The following SPECC1 variants were observed in gnomAD, a reference collection of about 807,000 sequenced individuals.
The protein encoded by SPECC1 is sperm antigen with calponin homology and coiled-coil domains 1.
SPECC1 carries 62 observed loss-of-function variants against 104.1 expected under a neutral mutation model. The ratio of observed to expected loss-of-function variants is 0.60; its 90% CI spans 0.49 to 0.74. SPECC1 has a LOEUF of 0.74. SPECC1 is among the 30% of genes least tolerant of loss of function. The pLI, the probability that SPECC1 is intolerant of heterozygous loss-of-function variation, is 0.00. For missense variants in SPECC1, 1,306 were observed against 1,310.5 expected (o/e 1.00, Z 0.05); for synonymous variants, 513 against 501.6 (o/e 1.02, Z -0.30).
intron 3 of SPECC1, among the ~76,000 whole-genome samples, chr17:20,175,851 C>T (rs995636454): frequency 6.6e-6 from 1 of 152,190 alleles, no homozygotes; most frequent in Non-Finnish European, 1.5e-5. Context: ...TGCAGCATTC[C>T]TAGTCTGTGA....
chr17:20,272,655 A>G (rs184483696), intron 12 of SPECC1, among the ~76,000 whole-genome samples: 1 of 152,334 alleles, frequency 6.6e-6, no homozygotes, highest in African/African-American at 2.4e-5. Flanking sequence ...TGTGTCTGGC[A>G]TATTTCACTT....
At position 20,316,708 on chromosome 17, in the gene SPECC1, T is replaced by G. The variant is rs34120434; in HGVS notation, c.*2643T>G. 81,905 of 187,864 alleles carry G rather than the reference T, an allele frequency of 0.44. 18,985 individuals are homozygous for G. The highest frequency in any genetic ancestry group is 0.76 in the East Asian group (8,847 of 11,710). 11.6% of individuals were successfully genotyped at this position (187,864 alleles called of 1,614,324 possible). On this transcript the variant is annotated 3_prime_UTR_variant, in exon 15 of 15. Transcript: ENST00000395527. Reference sequence around the variant, plus strand: ...TTTTTTGTTGTTGTTTGTTTGTTTTTTTTTTTGAGACAGAGTCTTGCTCTG... The same window carrying G: ...TTTTTTGTTGTTGTTTGTTTGTTTTGTTTTTTGAGACAGAGTCTTGCTCTG...
intron 12 of SPECC1, among the ~76,000 whole-genome samples, chr17:20,288,034 AT>A (rs1309901700): frequency 6.6e-6 from 1 of 151,992 alleles, no homozygotes; most frequent in African/African-American, 2.4e-5. Context: ...CCACTTATAA[AT>A]GAGAACATAC....
intron 3 of SPECC1, among the ~76,000 whole-genome samples, chr17:20,164,153 G>T (rs1327632775): frequency 6.6e-6 from 1 of 151,048 alleles, no homozygotes; most frequent in Non-Finnish European, 1.5e-5. Context: ...ATAATATTGG[G>T]ATTTCTTCCC....
At chr17:20,100,134 T>TGTACC (rs2047873603) in intron 2 of SPECC1, among the ~76,000 whole-genome samples, 1 of 152,194 alleles carries the variant, frequency 6.6e-6, no homozygotes, top group African/African-American at 2.4e-5. Context: ...TTTCTGCACT[T>TGTACC]GGTACCATGC....
At chr17:20,129,321 G>C (rs1286297048) in intron 3 of SPECC1, among the ~76,000 whole-genome samples, 2 of 151,782 alleles carry the variant, frequency 1.3e-5, no homozygotes, top group Admixed American at 1.3e-4. Flanking sequence ...AGTAGCTGGG[G>C]ACTACAGGCG....
intron 1 of SPECC1, among the ~76,000 whole-genome samples, chr17:20,079,963 T>C (rs764146672): frequency 8.5e-5 from 13 of 152,184 alleles, no homozygotes; most frequent in Non-Finnish European, 5.9e-5. Flanking sequence ...CCTACCGCCA[T>C]GTCTTCATTC....
At chr17:20,284,903 A>G (rs1567606903) in intron 12 of SPECC1, among the ~76,000 whole-genome samples, 1 of 152,238 alleles carries the variant, frequency 6.6e-6, no homozygotes, top group African/African-American at 2.4e-5. Context: ...TTTCCCAAGA[A>G]GCTTTGCTTT....
chr17:20,108,025 C>T (rs2048317910), intron 2 of SPECC1, among the ~76,000 whole-genome samples: 1 of 152,038 alleles, frequency 6.6e-6, no homozygotes, highest in East Asian at 1.9e-4. Flanking sequence ...AGACTTCTAC[C>T]GTCATCCCTC....
intron 12 of SPECC1, among the ~76,000 whole-genome samples, chr17:20,293,733 C>T (rs2041248018): frequency 6.6e-6 from 1 of 152,242 alleles, no homozygotes; most frequent in African/African-American, 2.4e-5. Flanking sequence ...CTATGCCCCG[C>T]TTCTGCAATC....
intron 13 of SPECC1, among the ~76,000 whole-genome samples, chr17:20,298,189 TA>T (rs1336796463): frequency 2.6e-5 from 4 of 152,098 alleles, no homozygotes; most frequent in African/African-American, 7.2e-5. Context: ...CCATCTCTAC[TA>T]AAAATACAAA....
intron 1 of SPECC1, among the ~76,000 whole-genome samples, chr17:20,089,041 T>C (rs1258195063): frequency 1.3e-5 from 2 of 152,220 alleles, no homozygotes; most frequent in Non-Finnish European, 2.9e-5. Flanking sequence ...TGAGTTTGCC[T>C]TGTTTATAAA....
At chr17:20,134,505 G>C (rs558953993) in intron 3 of SPECC1, among the ~76,000 whole-genome samples, 1 of 152,182 alleles carries the variant, frequency 6.6e-6, no homozygotes, top group Admixed American at 6.5e-5. Context: ...TTTAAAAATG[G>C]TATATTATAA....
intron 12 of SPECC1, among the ~76,000 whole-genome samples, chr17:20,279,354 C>G (rs558962969): frequency 1.4e-3 from 185 of 130,174 alleles, no homozygotes; most frequent in Non-Finnish European, 2.3e-3. Flanking sequence ...TGGAGTTTCT[C>G]CCTTGTTGCC....
rs913624657 is a variant in SPECC1, at chr17:20,205,088, A to G, written c.1039A>G (p.Ser347Gly). The change falls in exon 4 of 15, where the codon AGT (serine) becomes GGT (glycine). Residue 347 changes from serine to glycine, a missense_variant. Physicochemically the swap from Ser to Gly is moderately conservative, Grantham distance 56. This residue lies in a region of SPECC1 where 1,177 missense variants were observed against 1,139.9 expected (regional missense o/e 1.03). Transcript: ENST00000395527. Reference protein sequence around the residue: ...ETPSRPLSSTSNPFKSSKCST... With the variant: ...ETPSRPLSSTGNPFKSSKCST... ...ACCCTCAAGGCCCCTGTCCTCCACC[A>G]GTAACCCCTTTAAGAGTTCAAAGTG... 6.2e-7 allele frequency: 1 copy of G among 1,614,212 alleles called. No homozygotes were observed. The highest frequency in any genetic ancestry group is 8.5e-7 in the Non-Finnish European group (1 of 1,180,038).
At chr17:20,030,555 A>G (rs1441226516) in intron 1 of SPECC1, among the ~76,000 whole-genome samples, 2 of 152,082 alleles carry the variant, frequency 1.3e-5, no homozygotes, top group East Asian at 1.9e-4. Context: ...ATTTCTATAT[A>G]TGTTATAGGT....
chr17:20,238,410 G>C, intron 7 of SPECC1: 13 of 1,041,404 alleles, frequency 1.2e-5, no homozygotes, highest in Non-Finnish European at 1.5e-5. Context: ...GAAACCTTCT[G>C]CAATCCTCAC....
chr17:20,139,400 C>G (rs1292609309), intron 3 of SPECC1, among the ~76,000 whole-genome samples: 9 of 150,190 alleles, frequency 6.0e-5, no homozygotes, highest in Non-Finnish European at 1.2e-4. Flanking sequence ...ATGTTCCAGG[C>G]ATCTTTCTGG....
At chr17:20,289,071 C>A (rs1206423246) in intron 12 of SPECC1, among the ~76,000 whole-genome samples, 3 of 152,122 alleles carry the variant, frequency 2.0e-5, no homozygotes, top group African/African-American at 7.2e-5. Flanking sequence ...GCATGAGCCG[C>A]CGTGCCTGGC....
Sources: allele counts gnomAD v4.1 joint callset (sites outside exome capture counted in the v4.1 genomes callset), GRCh38; gene constraint gnomAD v4.1.1; regional missense constraint gnomAD v4.1.1; transcripts MANE v1.5; gene names NCBI Gene and HGNC (gene_info 2026-07-23, HGNC 2026-07-21).